P3H2: variants seen among roughly 807,000 people sequenced by gnomAD.
The protein encoded by P3H2 is leprecan-like 1.
A neutral mutation model predicts 87.0 loss-of-function variants in P3H2; 80 were observed. The ratio of observed to expected loss-of-function variants is 0.92; its 90% CI spans 0.77 to 1.11. The LOEUF is 1.11. P3H2 is among the 50% of genes least tolerant of loss of function. The probability of loss-of-function intolerance (pLI) is 0.00; values close to 1 mark genes in which losing one functional copy is unlikely to be tolerated. For missense variants in P3H2, 1,001 were observed against 923.9 expected (o/e 1.08, Z -1.08); for synonymous variants, 367 against 359.3 (o/e 1.02, Z -0.24).
At chr3:190,090,413 C>G (rs1727368699) in intron 1 of P3H2, among the ~76,000 whole-genome samples, 1 of 152,108 alleles carries the variant, frequency 6.6e-6, no homozygotes, top group Non-Finnish European at 1.5e-5. Flanking sequence ...AAAATATTTA[C>G]CACCTATTGG....
intron 1 of P3H2, among the ~76,000 whole-genome samples, chr3:190,080,692 G>A (rs537801629): frequency 1.4e-4 from 21 of 152,100 alleles, no homozygotes; most frequent in East Asian, 5.8e-4. Flanking sequence ...GTGAGCCACC[G>A]CGCCCAGCTG....
chr3:190,109,369 G>T (rs1294175568), intron 1 of P3H2, among the ~76,000 whole-genome samples: 1 of 151,938 alleles, frequency 6.6e-6, no homozygotes, highest in African/African-American at 2.4e-5. Context: ...CCTTCTGTGA[G>T]TTGGCATTTT....
chr3:190,088,908 C>A (rs57236417), intron 1 of P3H2, among the ~76,000 whole-genome samples: 1 of 152,102 alleles, frequency 6.6e-6, no homozygotes, highest in Non-Finnish European at 1.5e-5. Flanking sequence ...CGACCCCTAC[C>A]TATAGCACAC....
At chr3:189,994,324 A>ACAAC in intron 2 of P3H2, 41 bp from the exon 3 acceptor site, 1 of 1,512,132 alleles carries the variant, frequency 6.6e-7, no homozygotes, top group Non-Finnish European at 9.2e-7. Context: ...AAACAAACAA[A>ACAAC]CAAACAAACA....
At chr3:189,965,456 G>A (rs966094277) in intron 13 of P3H2, among the ~76,000 whole-genome samples, 1 of 152,132 alleles carries the variant, frequency 6.6e-6, no homozygotes, top group African/African-American at 2.4e-5. Flanking sequence ...AAAAAAAGCA[G>A]TCAGTTTCTT....
intron 1 of P3H2, among the ~76,000 whole-genome samples, chr3:190,011,063 A>T (rs1341612867): frequency 6.6e-6 from 1 of 152,148 alleles, no homozygotes; most frequent in Admixed American, 6.5e-5. Flanking sequence ...GGAGGTCAAG[A>T]GATTGAGACG....
chr3:189,980,947 G>C (rs2108914480), intron 8 of P3H2, among the ~76,000 whole-genome samples: 1 of 152,212 alleles, frequency 6.6e-6, no homozygotes, highest in South Asian at 2.1e-4. Context: ...AGGAGTTTGG[G>C]GCCTGCAAAT....
intron 8 of P3H2, among the ~76,000 whole-genome samples, chr3:189,975,701 T>G (rs1464461239): frequency 2.0e-5 from 3 of 152,178 alleles, no homozygotes; most frequent in South Asian, 4.1e-4. Flanking sequence ...AAGAGACAAT[T>G]GAAATTGATG....
Position 189,973,009 on chromosome 3 carries a change from G to T in P3H2, c.1564C>A (p.Arg522=). ...LKALKSGYEG[R]VPLKSARLFY... is the part of the protein sequence containing the mutation. ...AGACGAGCGCTCTTCAGTGGGACTC[G>T]ACCTTCATAACCAGACTGAAAAAAA... The change falls in exon 11 of 15, where the codon CGA becomes AGA. Residue 522 remains arginine, a synonymous_variant. Transcript: ENST00000319332. 1 of 1,606,356 alleles carries T rather than the reference G, an allele frequency of 6.2e-7. No homozygotes were observed.
chr3:190,026,887 TA>T (rs200268190), intron 1 of P3H2, among the ~76,000 whole-genome samples: 2,382 of 152,302 alleles, frequency 0.016, 33 homozygotes, highest in Non-Finnish European at 0.024. Flanking sequence ...AAGTGTGTAG[TA>T]TTTATCAAAA....
At chr3:190,059,943 T>C (rs1374588284) in intron 1 of P3H2, among the ~76,000 whole-genome samples, 1 of 152,208 alleles carries the variant, frequency 6.6e-6, no homozygotes, top group Non-Finnish European at 1.5e-5. Flanking sequence ...CTAATTGGTA[T>C]AGTTCCAGTT....
At chr3:190,109,628 G>A (rs904874136) in intron 1 of P3H2, among the ~76,000 whole-genome samples, 4 of 152,130 alleles carry the variant, frequency 2.6e-5, no homozygotes, top group African/African-American at 9.7e-5. Flanking sequence ...CATAAGCTGA[G>A]TTACTGTAGC....
At chr3:190,002,190 G>T (rs1724236781) in intron 1 of P3H2, among the ~76,000 whole-genome samples, 1 of 151,904 alleles carries the variant, frequency 6.6e-6, no homozygotes, top group African/African-American at 2.4e-5. Flanking sequence ...CTTGTAAAAA[G>T]ATCCATATTT....
chr3:190,049,411 G>A (rs369014240), intron 1 of P3H2, among the ~76,000 whole-genome samples: 14 of 151,912 alleles, frequency 9.2e-5, no homozygotes, highest in Non-Finnish European at 1.5e-4. Flanking sequence ...TTGGCTTTTC[G>A]CCTAAATGGC....
rs774343743 is a variant in P3H2, at chr3:189,986,893, T to A, written c.1099-16A>T. On this transcript the variant is annotated splice_polypyrimidine_tract_variant and intron_variant, in intron 5 of 14. Coordinates refer to ENST00000319332, the MANE Select transcript of P3H2 (RefSeq NM_018192.4). ...TTGTTAAATCCTAGAGAAAAAGAAG[T>A]AAAGAAAGACATTTTTTATTTAAAT... 8 of 1,544,882 alleles carry A rather than the reference T, an allele frequency of 5.2e-6. No homozygotes were observed. In the South Asian group the frequency reaches 8.9e-5, roughly 17 times the overall value.
In P3H2 at chr3:190,067,010, TC is replaced by T. The variant is rs201123691; in HGVS notation, c.480+53241del. 3.9e-3 allele frequency among the ~76,000 whole-genome samples: 589 copies of T among 149,680 alleles called. 18 individuals carry two copies. Among genetic ancestry groups the T allele is most frequent in the African/African-American group, 0.012 (503 of 40,458 alleles). Reference sequence around the variant, plus strand: ...TAGTTTATTCTTTTTTAATTTTCTTTCTTTTTTTTTTTTTTGTAGAGATGGG... The same window carrying T: ...TAGTTTATTCTTTTTTAATTTTCTTTTTTTTTTTTTTTTTGTAGAGATGGG... On this transcript the variant is annotated intron_variant, in intron 1 of 14. Coordinates refer to ENST00000319332, the MANE Select transcript of P3H2 (RefSeq NM_018192.4).
At chr3:190,092,915 CCTTTA>C in intron 1 of P3H2, among the ~76,000 whole-genome samples, 1 of 152,270 alleles carries the variant, frequency 6.6e-6, no homozygotes, top group African/African-American at 2.4e-5. Flanking sequence ...TGATCCCCTT[CCTTTA>C]CTTTCTAATC....
intron 10 of P3H2, 117 bp downstream of exon 10, chr3:189,973,792 G>A (rs1483387397): frequency 5.0e-6 from 4 of 804,262 alleles, no homozygotes; most frequent in East Asian, 5.0e-5. Flanking sequence ...CCAAAGTGCT[G>A]GGATTACAGG....
At chr3:190,002,618 C>T (rs1016040811) in intron 1 of P3H2, among the ~76,000 whole-genome samples, 2 of 152,170 alleles carry the variant, frequency 1.3e-5, no homozygotes, top group Non-Finnish European at 2.9e-5. Flanking sequence ...CCAAGCCAGT[C>T]TTGAACTCCT....
Sources: allele counts gnomAD v4.1 joint callset (sites outside exome capture counted in the v4.1 genomes callset), GRCh38; gene constraint gnomAD v4.1.1; transcripts MANE v1.5; gene names NCBI Gene and HGNC (gene_info 2026-07-23, HGNC 2026-07-21).